Variants in STPG2 observed in about 807,000 individuals in gnomAD.
STPG2 encodes sperm-tail PG-rich repeat-containing protein 2.
In STPG2, 56 loss-of-function variants were observed where a neutral mutation model predicts 54.2. The ratio of observed to expected loss-of-function variants is 1.03; its 90% CI spans 0.83 to 1.29. STPG2 has a LOEUF of 1.29. Among genes scored for constraint, STPG2 ranks in the 50% most tolerant of loss-of-function variants. The pLI, the probability that STPG2 is intolerant of heterozygous loss-of-function variation, is 0.00. For missense variants in STPG2, 596 were observed against 544.9 expected, an observed-to-expected ratio of 1.09 and a Z score of -0.93; for synonymous variants, 200 against 181.8, an observed-to-expected ratio of 1.10 and a Z score of -0.81.
intron 8 of STPG2, among the ~76,000 whole-genome samples, chr4:97,883,593 A>T (rs1418793421): frequency 6.6e-6 from 1 of 152,210 alleles, no homozygotes; most frequent in Non-Finnish European, 1.5e-5. Context: ...TTAGAAATGA[A>T]AAAAACAGAA....
chr4:98,058,260 A>G (rs988680546), intron 5 of STPG2, among the ~76,000 whole-genome samples: 3 of 152,230 alleles, frequency 2.0e-5, no homozygotes, highest in Non-Finnish European at 4.4e-5. Flanking sequence ...AAAGGCACAG[A>G]GTGGCAAGCT....
intron 10 of STPG2, among the ~76,000 whole-genome samples, chr4:97,678,162 A>G (rs1722912530): frequency 6.6e-6 from 1 of 152,092 alleles, no homozygotes; most frequent in African/African-American, 2.4e-5. Flanking sequence ...CATTTTAATC[A>G]TATGTATTTT....
chr4:97,991,430 A>AGTGT (rs150498433), intron 5 of STPG2, among the ~76,000 whole-genome samples: 2,398 of 141,404 alleles, frequency 0.017, 46 homozygotes, highest in African/African-American at 0.047. Flanking sequence ...AATACTACTC[A>AGTGT]GTGTGTGTGT....
chr4:97,943,847 C>A (rs763904806), intron 8 of STPG2, 50 bp downstream of exon 8: 1 of 1,379,076 alleles, frequency 7.3e-7, no homozygotes, highest in Non-Finnish European at 9.8e-7. Flanking sequence ...ATGCAGCCTC[C>A]TCCATGATTT....
intron 4 of STPG2, among the ~76,000 whole-genome samples, chr4:97,498,718 G>C (rs528215133): frequency 2.0e-5 from 3 of 151,238 alleles, no homozygotes; most frequent in African/African-American, 7.3e-5. Context: ...ATGGATTGTC[G>C]ATTTATTTTT....
In STPG2 at chr4:97,805,947, T is replaced by C. The variant is rs1366823128; in HGVS notation, c.1204+34826A>G. On this transcript the variant is annotated intron_variant, in intron 9 of 10. Coordinates refer to ENST00000295268, the MANE Select transcript of STPG2 (RefSeq NM_174952.3). ...GCCACTGTGGAAAGCAGTTTGGAGA[T>C]TTCTCAAAGAACTAAAATTAGCACT... Among the ~76,000 whole-genome samples, 6 of 152,156 alleles carry C rather than the reference T, an allele frequency of 3.9e-5. 1 individual carries two copies. The highest frequency in any genetic ancestry group is 3.9e-4 in the Admixed American group (6 of 15,266).
intron 8 of STPG2, among the ~76,000 whole-genome samples, chr4:97,907,467 C>G (rs1731481027): frequency 6.6e-6 from 1 of 152,058 alleles, no homozygotes; most frequent in African/African-American, 2.4e-5. Flanking sequence ...GATTCAATGC[C>G]ATCCCCATCA....
At chr4:97,953,725 G>C (rs1733559423) in intron 7 of STPG2, among the ~76,000 whole-genome samples, 1 of 152,212 alleles carries the variant, frequency 6.6e-6, no homozygotes, top group East Asian at 1.9e-4. Context: ...TCCCCAGTTG[G>C]GGTGTGTATC....
intron 10 of STPG2, among the ~76,000 whole-genome samples, chr4:97,670,895 T>A (rs1184111322): frequency 6.6e-6 from 1 of 152,198 alleles, no homozygotes; most frequent in Non-Finnish European, 1.5e-5. Context: ...GTCACACTAA[T>A]GACTAAGGAA....
chr4:97,692,649 C>A (rs1050222246), intron 10 of STPG2, among the ~76,000 whole-genome samples: 5 of 152,130 alleles, frequency 3.3e-5, no homozygotes, highest in African/African-American at 9.7e-5. Flanking sequence ...AAATCTTCCC[C>A]AGCCTTGCTA....
In STPG2 at chr4:97,744,592, G is replaced by T. The variant is rs151315686; in HGVS notation, c.1205-31778C>A. Among the ~76,000 whole-genome samples, 109 of 151,378 alleles carry T rather than the reference G, an allele frequency of 7.2e-4. 1 individual carries two copies. The highest frequency in any genetic ancestry group is 6.8e-3 in the Middle Eastern group (2 of 294). ...ATACTTCCTAAGACCCCCAGTGGAT[G>T]CCTGAAACTGTGGATGCTACAGAAC... On this transcript the variant is annotated intron_variant, in intron 9 of 10. Coordinates refer to ENST00000295268, the MANE Select transcript of STPG2 (RefSeq NM_174952.3).
chr4:97,490,807 C>T (rs536655511), intron 4 of STPG2, among the ~76,000 whole-genome samples: 14 of 151,460 alleles, frequency 9.2e-5, no homozygotes, highest in Non-Finnish European at 2.1e-4. Context: ...TTAGGACTTC[C>T]CATATCTTTT....
At chr4:97,856,063 A>T (rs1162241746) in intron 8 of STPG2, among the ~76,000 whole-genome samples, 10 of 152,132 alleles carry the variant, frequency 6.6e-5, no homozygotes, top group Non-Finnish European at 1.5e-5. Flanking sequence ...TATTTTGGTT[A>T]CTGTAGCCCC....
In STPG2 at chr4:97,941,004, C is replaced by T. The variant is rs965000166; in HGVS notation, c.1044+2893G>A. Among the ~76,000 whole-genome samples the T allele has an allele frequency of 5.9e-5, 9 of 152,032 alleles. 1 individual carries two copies. Among genetic ancestry groups the T allele is most frequent in the Admixed American group, 3.9e-4 (6 of 15,276 alleles). ...CATATGAAGACATAGAGTTACTAAA[C>T]TTTATGAACTATTGCATGTCAGAAA... On this transcript the variant is annotated intron_variant, in intron 8 of 10. Transcript: ENST00000295268.
chr4:97,458,142 C>T (rs1025828344), intron 4 of STPG2, among the ~76,000 whole-genome samples: 1 of 152,120 alleles, frequency 6.6e-6, no homozygotes, highest in Non-Finnish European at 1.5e-5. Context: ...GGAATGAATA[C>T]GAGATGGCTC....
At chr4:98,086,340 A>G (rs1738502650) in intron 5 of STPG2, among the ~76,000 whole-genome samples, 1 of 152,112 alleles carries the variant, frequency 6.6e-6, no homozygotes, top group Non-Finnish European at 1.5e-5. Flanking sequence ...TGCCTTCCAT[A>G]AAGTCCGTGC....
intron 9 of STPG2, among the ~76,000 whole-genome samples, chr4:97,737,014 T>A (rs1725025153): frequency 6.6e-6 from 1 of 151,970 alleles, no homozygotes; most frequent in African/African-American, 2.4e-5. Context: ...GAGACAAAAC[T>A]TCCAGAGGAA....
intron 9 of STPG2, among the ~76,000 whole-genome samples, chr4:97,744,831 C>T (rs1364866313): frequency 1.3e-5 from 2 of 151,284 alleles, no homozygotes; most frequent in South Asian, 2.1e-4. Context: ...AACGGAAACC[C>T]GCAGAAAGTG....
intron 9 of STPG2, among the ~76,000 whole-genome samples, chr4:97,817,105 A>G (rs982915178): frequency 2.0e-5 from 3 of 150,122 alleles, no homozygotes; most frequent in African/African-American, 4.9e-5. Flanking sequence ...CAAACTGCCT[A>G]TATTTGAATC....
Sources: allele counts gnomAD v4.1 joint callset (sites outside exome capture counted in the v4.1 genomes callset), GRCh38; gene constraint gnomAD v4.1.1; transcripts MANE v1.5; gene names NCBI Gene and HGNC (gene_info 2026-07-23, HGNC 2026-07-21).